The following CDKL4 variants were observed in gnomAD, a reference collection of about 807,000 sequenced individuals.
CDKL4 encodes cyclin-dependent kinase-like 4.
Under a neutral mutation model 42.0 loss-of-function variants are expected in CDKL4, and 44 were observed. That is an observed-to-expected ratio of 1.05 (90% CI 0.82 to 1.35). The LOEUF (loss-of-function observed/expected upper bound fraction) is 1.35. Ranked by LOEUF, CDKL4 falls within the 40% of genes most tolerant of loss-of-function variation. The pLI, the probability that CDKL4 is intolerant of heterozygous loss-of-function variation, is 0.00. For missense variants in CDKL4, 393 were observed against 369.9 expected (o/e 1.06, Z -0.51); for synonymous variants, 120 against 121.6 (o/e 0.99, Z 0.09).
chr2:39,220,315 C>A (rs1424951002), intron 3 of CDKL4, among the ~76,000 whole-genome samples: 1 of 152,098 alleles, frequency 6.6e-6, no homozygotes, highest in Non-Finnish European at 1.5e-5. Flanking sequence ...TGTGGGGATG[C>A]CCGCTCTCTT....
chr2:39,220,747 G>T (rs1678258194), intron 3 of CDKL4, among the ~76,000 whole-genome samples: 1 of 151,788 alleles, frequency 6.6e-6, no homozygotes, highest in South Asian at 2.1e-4. Context: ...ACCACGCCTG[G>T]CTAATTTTTT....
At chr2:39,228,764 C>T (rs1002458430) in intron 2 of CDKL4, among the ~76,000 whole-genome samples, 2 of 152,224 alleles carry the variant, frequency 1.3e-5, no homozygotes, top group Admixed American at 6.5e-5. Context: ...AGCATCTCTA[C>T]GGTCGCTTAT....
rs190301635 is a variant in CDKL4 at position 39,188,839 on chromosome 2, G to C, written c.653-1130C>G. Among the ~76,000 whole-genome samples, 38 of 152,076 alleles carry C rather than the reference G, an allele frequency of 2.5e-4. 1 individual carries two copies. In the East Asian group the frequency reaches 7.0e-3, roughly 28 times the overall value. On this transcript the variant is annotated intron_variant, in intron 6 of 9. Transcript: ENST00000451199. ...CGAGTAGCTGGAACTACAAGCATGC[G>C]CCATCATGTCCAGCTAATTTTTAAA...
rs755689029 is a variant in CDKL4 at position 39,179,178 on chromosome 2, C to A, written c.927+9G>T. 6.3e-7 allele frequency: 1 copy of A among 1,587,912 alleles called. No homozygotes were observed. Among genetic ancestry groups the A allele is most frequent in the Non-Finnish European group, 8.5e-7 (1 of 1,173,770 alleles). ...TTTTTATAGCACTTTAACTTTTGAG[C>A]GGAAGTACCTGTTGGCGTCTTCTGT... On this transcript the variant is annotated intron_variant, in intron 9 of 9. Transcript: ENST00000451199.
At chr2:39,209,154 T>G (rs1572988502) in intron 4 of CDKL4, among the ~76,000 whole-genome samples, 1 of 151,212 alleles carries the variant, frequency 6.6e-6, no homozygotes, top group Non-Finnish European at 1.5e-5. Context: ...AAAAAAATTT[T>G]TTTTTTAAAT....
intron 3 of CDKL4, among the ~76,000 whole-genome samples, chr2:39,224,839 T>C (rs1678595570): frequency 6.6e-6 from 1 of 152,096 alleles, no homozygotes; most frequent in South Asian, 2.1e-4. Context: ...TGCTGTTAAT[T>C]TTTGCATGTG....
intron 1 of CDKL4, among the ~76,000 whole-genome samples, chr2:39,237,129 C>G (rs887717089): frequency 1.3e-5 from 2 of 152,160 alleles, no homozygotes; most frequent in Non-Finnish European, 2.9e-5. Context: ...ACAGATTATT[C>G]TCATGAATGT....
rs565110845 is a variant in CDKL4 at position 39,195,570 on chromosome 2, G to A, written c.455-5068C>T. ...TGCATATCCCTAATGATTACCATAA[G>A]CATCTTTCATGTGCTTATTGGCCAT... On this transcript the variant is annotated intron_variant, in intron 5 of 9. Coordinates refer to ENST00000451199, the Ensembl canonical transcript of CDKL4. 2.0e-5 allele frequency among the ~76,000 whole-genome samples: 3 copies of A among 151,770 alleles called. No homozygotes were observed. The East Asian group carries it at 5.8e-4, about 29-fold the overall frequency.
downstream of CDKL4, among the ~76,000 whole-genome samples, chr2:39,173,599 G>A (rs755403678): frequency 1.3e-5 from 2 of 151,940 alleles, no homozygotes; most frequent in African/African-American, 4.8e-5. Context: ...CACGAGGTCA[G>A]AAGATCGAGA....
intron 3 of CDKL4, 67 bp from the exon 4 acceptor site, chr2:39,213,539 A>C: frequency 1.9e-6 from 2 of 1,061,718 alleles, no homozygotes; most frequent in South Asian, 2.6e-5. Context: ...AGGGCTGGGA[A>C]TAGAAGTGGA....
Position 39,202,871 on chromosome 2 carries a change from T to C in CDKL4, c.454+1656A>G, listed in dbSNP as rs566515013. ...GGCCAACAATGACCCCAGCAATGAC[T>C]CATACCAGTACTTAGAAGACTTGAG... On this transcript the variant is annotated intron_variant, in intron 5 of 9. Coordinates refer to ENST00000451199, the Ensembl canonical transcript of CDKL4. Among the ~76,000 whole-genome samples, 38 of 152,308 alleles carry C rather than the reference T, an allele frequency of 2.5e-4. No individual in the cohort carries two copies. In the East Asian group the frequency reaches 6.8e-3, roughly 27 times the overall value.
chr2:39,223,145 G>C (rs533353072), intron 3 of CDKL4, among the ~76,000 whole-genome samples: 1 of 152,138 alleles, frequency 6.6e-6, no homozygotes, highest in South Asian at 2.1e-4. Context: ...TAATGGGCTG[G>C]CTGCATATTG....
chr2:39,192,253 T>A (rs1258650931), intron 5 of CDKL4, among the ~76,000 whole-genome samples: 2 of 152,148 alleles, frequency 1.3e-5, no homozygotes, highest in Non-Finnish European at 2.9e-5. Flanking sequence ...AAAAAATACA[T>A]AAGGAAACAG....
intron 3 of CDKL4, among the ~76,000 whole-genome samples, chr2:39,222,410 CA>C (rs1285212880): frequency 1.3e-5 from 2 of 151,862 alleles, no homozygotes; most frequent in Admixed American, 6.6e-5. Flanking sequence ...GCTAACATGG[CA>C]AAACCCTGTG....
downstream of CDKL4, among the ~76,000 whole-genome samples, chr2:39,174,243 A>G (rs552653780): frequency 6.6e-5 from 10 of 152,078 alleles, no homozygotes; most frequent in Admixed American, 3.3e-4. Context: ...TATCTCTACA[A>G]AAAAAGTTAA....
chr2:39,210,464 G>T (rs1258417446), intron 4 of CDKL4, among the ~76,000 whole-genome samples: 1 of 152,032 alleles, frequency 6.6e-6, no homozygotes, highest in Non-Finnish European at 1.5e-5. Context: ...AGGCAGTTTG[G>T]GTTGACTGAC....
chr2:39,236,488 G>T (rs1177898270), intron 1 of CDKL4, among the ~76,000 whole-genome samples: 4 of 152,034 alleles, frequency 2.6e-5, no homozygotes, highest in Non-Finnish European at 4.4e-5. Flanking sequence ...TAAACACAAA[G>T]AAATCCATGC....
intron 7 of CDKL4, among the ~76,000 whole-genome samples, chr2:39,186,269 T>C (rs916524937): frequency 6.6e-6 from 1 of 152,146 alleles, no homozygotes; most frequent in African/African-American, 2.4e-5. Context: ...TATGAAATAA[T>C]TGATTTAAAA....
At chr2:39,168,525 C>T in the CDKL4 span, among the ~76,000 whole-genome samples, 4 of 152,036 alleles carry the variant, frequency 2.6e-5, no homozygotes, top group Admixed American at 6.6e-5. Flanking sequence ...CACCCAAGGT[C>T]AGGAGTTCAA....
Sources: gnomAD v4.1 joint callset for allele counts (sites outside exome capture counted in the v4.1 genomes callset) on GRCh38, gnomAD v4.1.1 for gene constraint, MANE v1.5 for transcripts, NCBI Gene and HGNC (gene_info 2026-07-23, HGNC 2026-07-21) for gene names.